Variants in SYNJ2BP observed in about 807,000 individuals in gnomAD.
SYNJ2BP encodes the protein synaptojanin-2-binding protein.
A neutral mutation model predicts 16.9 loss-of-function variants in SYNJ2BP; 10 were observed. That is an observed-to-expected ratio of 0.59 (90% CI 0.36 to 1.00). The LOEUF is 1.00. Among genes scored for constraint, SYNJ2BP ranks in the 50% least tolerant of loss-of-function variants. The pLI is 0.01. For missense variants in SYNJ2BP, 162 were observed against 186.7 expected, an observed-to-expected ratio of 0.87 and a Z score of 0.77; for synonymous variants, 54 against 68.4, an observed-to-expected ratio of 0.79 and a Z score of 1.04.
chr14:70,400,608 A>G (rs1472215957), intron 1 of SYNJ2BP, among the ~76,000 whole-genome samples: 1 of 152,218 alleles, frequency 6.6e-6, no homozygotes, highest in East Asian at 1.9e-4. Context: ...CAACTTGTTT[A>G]AACATTTAGC....
At chr14:70,390,004 C>A (rs184921525) in intron 1 of SYNJ2BP, among the ~76,000 whole-genome samples, 40 of 152,230 alleles carry the variant, frequency 2.6e-4, no homozygotes, top group African/African-American at 8.2e-4. Flanking sequence ...ACTGAAAAAT[C>A]TGTTCGGAGT....
chr14:70,381,878 T>C (rs1173233112), intron 2 of SYNJ2BP, among the ~76,000 whole-genome samples: 6 of 152,226 alleles, frequency 3.9e-5, no homozygotes, highest in Non-Finnish European at 5.9e-5. Context: ...CAGATTTCAT[T>C]AGTACTTTTC....
chr14:70,377,344 G>A (rs1887653733), intron 2 of SYNJ2BP, among the ~76,000 whole-genome samples: 1 of 152,132 alleles, frequency 6.6e-6, no homozygotes, highest in Admixed American at 6.5e-5. Context: ...CCATCATTAA[G>A]TTGAATATTC....
At chr14:70,382,143 G>A (rs1384809976) in intron 2 of SYNJ2BP, among the ~76,000 whole-genome samples, 2 of 152,216 alleles carry the variant, frequency 1.3e-5, no homozygotes, top group Non-Finnish European at 2.9e-5. Context: ...GGCTGAGGCA[G>A]GAGAATGGAG....
At chr14:70,395,156 C>A (rs1244915685) in intron 1 of SYNJ2BP, among the ~76,000 whole-genome samples, 1 of 152,196 alleles carries the variant, frequency 6.6e-6, no homozygotes, top group East Asian at 1.9e-4. Flanking sequence ...GAATTCACCA[C>A]TATAGAGTTT....
chr14:70,413,630 G>A (rs1031030859), intron 1 of SYNJ2BP, among the ~76,000 whole-genome samples: 4 of 152,062 alleles, frequency 2.6e-5, no homozygotes, highest in Non-Finnish European at 2.9e-5. Context: ...AGAGTGAGAC[G>A]CGTCTCAAAA....
At chr14:70,407,804 C>G (rs1304533169) in intron 1 of SYNJ2BP, among the ~76,000 whole-genome samples, 2 of 152,202 alleles carry the variant, frequency 1.3e-5, no homozygotes, top group African/African-American at 4.8e-5. Context: ...CCGCCCACAG[C>G]TACTGCTTAT....
intron 3 of SYNJ2BP, among the ~76,000 whole-genome samples, chr14:70,373,730 G>A (rs1387079140): frequency 6.6e-6 from 1 of 152,122 alleles, no homozygotes; most frequent in African/African-American, 2.4e-5. Context: ...GAATCTATAT[G>A]GAACAGATGT....
chr14:70,397,159 G>A (rs1888117618), intron 1 of SYNJ2BP, among the ~76,000 whole-genome samples: 1 of 152,072 alleles, frequency 6.6e-6, no homozygotes, highest in African/African-American at 2.4e-5. Context: ...TGTACATAAT[G>A]TTAAGGCAAA....
chr14:70,401,734 C>T (rs1208234238), intron 1 of SYNJ2BP, among the ~76,000 whole-genome samples: 2 of 152,040 alleles, frequency 1.3e-5, no homozygotes. Flanking sequence ...CCTCAATCGC[C>T]CAGGCTCAAG....
rs4356408 is a variant in SYNJ2BP, at chr14:70,416,939, C to T, written c.25G>A (p.Val9Ile). The change falls in exon 1 of 4, where the codon GTC becomes ATC. Residue 9 changes from valine to isoleucine, a missense_variant. Physicochemically the swap from Val to Ile is conservative, Grantham distance 29. Coordinates refer to ENST00000256366, the MANE Select transcript of SYNJ2BP (RefSeq NM_018373.3). ...GTAAGATTGATCTCTTCCTCAGTGACCAAATAATCCACTCTTCCGTTCATG... is the reference window on the plus strand; with the variant it reads ...GTAAGATTGATCTCTTCCTCAGTGATCAAATAATCCACTCTTCCGTTCATG... MNGRVDYL[V>I]TEEEINLTRG... The T allele has an allele frequency of 3.9e-4, 627 of 1,614,148 alleles. 3 individuals carry two copies. In the African/African-American group the frequency reaches 7.8e-3, roughly 20 times the overall value.
At chr14:70,394,458 CTTTTT>C (rs533858770) in intron 1 of SYNJ2BP, among the ~76,000 whole-genome samples, 1 of 133,366 alleles carries the variant, frequency 7.5e-6, no homozygotes, top group African/African-American at 2.7e-5. Flanking sequence ...TGGGATTCAA[CTTTTT>C]TTTTTTTTTT....
At chr14:70,375,896 G>T in intron 2 of SYNJ2BP, 125 bp from the exon 3 acceptor site, 1 of 1,191,948 alleles carries the variant, frequency 8.4e-7, no homozygotes, top group Non-Finnish European at 1.1e-6. Context: ...TAGGAGTATG[G>T]GCAAAGTTAC....
intron 1 of SYNJ2BP, among the ~76,000 whole-genome samples, chr14:70,414,858 C>CA (rs1234246953): frequency 7.2e-5 from 11 of 151,914 alleles, no homozygotes; most frequent in African/African-American, 2.4e-4. Flanking sequence ...ATGAAAAGTA[C>CA]AAAAAAACAG....
intron 1 of SYNJ2BP, among the ~76,000 whole-genome samples, chr14:70,394,634 G>A (rs558173546): frequency 2.8e-4 from 42 of 152,164 alleles, no homozygotes; most frequent in African/African-American, 1.0e-3. Flanking sequence ...GATTAAGAGA[G>A]AAAGAAAGTG....
At chr14:70,416,322 T>A (rs1355713310) in intron 1 of SYNJ2BP, among the ~76,000 whole-genome samples, 1 of 150,910 alleles carries the variant, frequency 6.6e-6, no homozygotes, top group Non-Finnish European at 1.5e-5. Context: ...ATTTTCTTTT[T>A]TTTTTTTTTT....
At chr14:70,393,915 C>G (rs980731743) in intron 1 of SYNJ2BP, among the ~76,000 whole-genome samples, 1 of 149,494 alleles carries the variant, frequency 6.7e-6, no homozygotes, top group Admixed American at 6.7e-5. Flanking sequence ...CACATGTATA[C>G]CTATGTAACA....
chr14:70,385,360 A>C (rs115926359), intron 2 of SYNJ2BP, among the ~76,000 whole-genome samples: 1,592 of 151,640 alleles, frequency 0.01, 21 homozygotes, highest in African/African-American at 0.036. Flanking sequence ...TTTTTATTTT[A>C]TTTTATTTTA....
intron 1 of SYNJ2BP, among the ~76,000 whole-genome samples, chr14:70,405,608 G>A (rs1888328941): frequency 6.6e-6 from 1 of 152,058 alleles, no homozygotes; most frequent in South Asian, 2.1e-4. Flanking sequence ...ATGGGTTTTG[G>A]GGGCCACTGA....
Sources: allele counts gnomAD v4.1 joint callset (sites outside exome capture counted in the v4.1 genomes callset), GRCh38; gene constraint gnomAD v4.1.1; transcripts MANE v1.5; gene names NCBI Gene and HGNC (gene_info 2026-07-23, HGNC 2026-07-21).